CAND2: variants seen among roughly 807,000 people sequenced by gnomAD.
CAND2 encodes cullin associated and neddylation dissociated 2 (putative).
A neutral mutation model predicts 98.9 loss-of-function variants in CAND2; 62 were observed. That is an observed-to-expected ratio of 0.63 (90% CI 0.51 to 0.77). CAND2 has a LOEUF of 0.77. Among genes scored for constraint, CAND2 ranks in the 30% least tolerant of loss-of-function variants. CAND2 has a pLI of 0.00. For missense variants in CAND2, 1,501 were observed against 1,655.2 expected (o/e 0.91, Z 1.62); for synonymous variants, 770 against 731.9 (o/e 1.05, Z -0.84).
intron 13 of CAND2, 86 bp downstream of exon 13, chr3:12,827,690 C>T (rs2062015714): frequency 1.6e-6 from 2 of 1,285,108 alleles, no homozygotes; most frequent in Non-Finnish European, 2.1e-6. Flanking sequence ...TTTGTCCTTG[C>T]TCCCTACTCC....
At position 12,813,360 on chromosome 3, in the gene CAND2, G is replaced by A. The variant is rs762477317; in HGVS notation, c.978G>A (p.Glu326=). 16 of 1,614,090 alleles carry A rather than the reference G, an allele frequency of 9.9e-6. No individual in the cohort carries two copies. The South Asian group carries it at 1.8e-4, about 18-fold the overall frequency. Residue 326 remains glutamate, a synonymous_variant, in exon 7 of 15, where the codon GAG becomes GAA. Transcript: ENST00000456430. ...GTGATGAGGATGAGGAGCAGATGGAGACAGAGGATAGTGAATTCAGTGAGC... is the reference window on the plus strand; with the variant it reads ...GTGATGAGGATGAGGAGCAGATGGAAACAGAGGATAGTGAATTCAGTGAGC... The part of the protein sequence containing the change: ...YDSDEDEEQM[E]TEDSEFSEQE...
At chr3:12,816,260 A>G in intron 9 of CAND2, 114 bp from the exon 10 acceptor site, 3 of 1,079,000 alleles carry the variant, frequency 2.8e-6, no homozygotes, top group Non-Finnish European at 4.0e-6. Context: ...TCTGCAGAAG[A>G]GTTTAGGTGC....
chr3:12,831,014 TA>T (rs66870467), intron 13 of CAND2, among the ~76,000 whole-genome samples: 27,513 of 152,140 alleles, frequency 0.18, 3,298 homozygotes, highest in African/African-American at 0.35. Flanking sequence ...TAGTTGTTGT[TA>T]AAAGTTTTTG....
chr3:12,802,282 G>A (rs1440046464), intron 1 of CAND2, among the ~76,000 whole-genome samples: 1 of 152,178 alleles, frequency 6.6e-6, no homozygotes, highest in African/African-American at 2.4e-5. Context: ...AGCTGAGATC[G>A]TGCCACTGCA....
At chr3:12,805,442 C>G (rs1241570697) in intron 2 of CAND2, among the ~76,000 whole-genome samples, 1 of 152,084 alleles carries the variant, frequency 6.6e-6, no homozygotes, top group South Asian at 2.1e-4. Flanking sequence ...CATGCACCAC[C>G]ACACCCGGCT....
chr3:12,801,210 G>A (rs978413855), intron 1 of CAND2, among the ~76,000 whole-genome samples: 3 of 151,764 alleles, frequency 2.0e-5, no homozygotes, highest in Non-Finnish European at 4.4e-5. Context: ...GCTAATTTTT[G>A]TATTTTTAAT....
At chr3:12,829,316 TTA>T (rs1290130614) in intron 13 of CAND2, among the ~76,000 whole-genome samples, 3 of 152,164 alleles carry the variant, frequency 2.0e-5, no homozygotes, top group Non-Finnish European at 4.4e-5. Flanking sequence ...CGGCTAATTT[TTA>T]TATGTTTTAG....
In CAND2 at chr3:12,808,307, GGACATCCTCTCT is replaced by G; in HGVS notation, c.471_482del (p.Ile157_Asp160del). ...ATGTGGCTGTGCAGCTGGAAGCCCT[GGACATCCTCTCT>G]GACATGCTGAGCAGGTGTGGGAGGC... On this transcript the variant is annotated inframe_deletion, in exon 4 of 15. Transcript: ENST00000456430. 1 of 1,551,448 alleles carries G rather than the reference GGACATCCTCTCT, an allele frequency of 6.4e-7. No individual in the cohort carries two copies. Among genetic ancestry groups the G allele is most frequent in the Non-Finnish European group, 8.7e-7 (1 of 1,146,912 alleles).
At chr3:12,822,192 T>C (rs1289344977) in intron 11 of CAND2, among the ~76,000 whole-genome samples, 4 of 152,190 alleles carry the variant, frequency 2.6e-5, no homozygotes, top group Admixed American at 6.5e-5. Flanking sequence ...TAGAGACTCA[T>C]GGCTTCTTCC....
chr3:12,801,033 T>TG (rs2061762146), intron 1 of CAND2, among the ~76,000 whole-genome samples: 1 of 129,324 alleles, frequency 7.7e-6, no homozygotes, highest in Non-Finnish European at 1.6e-5. Flanking sequence ...TGGAAATCAG[T>TG]ATTTTTTTTT....
chr3:12,825,414 A>T (rs1358109512), intron 11 of CAND2, 56 bp from the exon 12 acceptor site: 2 of 1,496,270 alleles, frequency 1.3e-6, no homozygotes, highest in African/African-American at 2.8e-5. Flanking sequence ...GTGGTGAGGG[A>T]GGTGACTTTG....
At chr3:12,818,514 T>C (rs1029372020) in intron 10 of CAND2, among the ~76,000 whole-genome samples, 2 of 152,204 alleles carry the variant, frequency 1.3e-5, no homozygotes, top group African/African-American at 2.4e-5. Context: ...GCGTTTTGGC[T>C]TGTCGTGTTT....
At chr3:12,830,315 G>GGC (rs1282977350) in intron 13 of CAND2, among the ~76,000 whole-genome samples, 1 of 152,204 alleles carries the variant, frequency 6.6e-6, no homozygotes, top group African/African-American at 2.4e-5. Context: ...AAAATGATGG[G>GGC]GCGCACAAAG....
chr3:12,810,298 T>A lies in CAND2; in HGVS notation c.731T>A (p.Val244Asp). ...ACCCTGATCCAATGTTTGGGCAGCGTCGGCCGCCAGGCCGGCCACCGCCTC... is the reference window on the plus strand; with the variant it reads ...ACCCTGATCCAATGTTTGGGCAGCGACGGCCGCCAGGCCGGCCACCGCCTC... ...IRTLIQCLGS[V>D]GRQAGHRLGA... The change falls in exon 5 of 15, where the codon GTC (valine) becomes GAC (aspartate). Residue 244 changes from valine to aspartate, a missense_variant. Transcript: ENST00000456430. 2 of 1,465,312 alleles carry A rather than the reference T, an allele frequency of 1.4e-6. No individual in the cohort carries two copies. Among genetic ancestry groups the A allele is most frequent in the East Asian group, 2.8e-5 (1 of 36,258 alleles). 90.8% of individuals were successfully genotyped at this position (1,465,312 alleles called of 1,614,324 possible).
rs1405239779 is a variant in CAND2, at chr3:12,817,518, G to A, written c.2586G>A (p.Leu862=). The A allele has an allele frequency of 4.3e-6, 7 of 1,613,722 alleles. No individual in the cohort carries two copies. The highest frequency in any genetic ancestry group is 1.3e-5 in the African/African-American group (1 of 75,080). The change falls in exon 10 of 15, where the codon CTG becomes CTA. Residue 862 remains leucine (L), a synonymous_variant. Coordinates refer to ENST00000456430, the MANE Select transcript of CAND2 (RefSeq NM_001162499.2). ...QVAGPGHQRE[L]KAVLLEALGS... ...CTGGGCCAGGCCACCAGCGGGAGCT[G>A]AAGGCGGTGCTCCTGGAAGCTTTGG... is the stretch of plus-strand genomic sequence containing the variant.
At chr3:12,810,468 CGGGGCCTGGGCTGATGTGGTGGGT>C (rs1475884256) in intron 5 of CAND2, 144 bp downstream of exon 5, 70 of 131,620 alleles carry the variant, frequency 5.3e-4, no homozygotes, top group African/African-American at 2.4e-3. Context: ...GAGGATGGGG[CGGGGCCTGGGCTGATGTGGTGGGT>C]GGGGCCTGGG....
At chr3:12,801,325 G>A (rs1278363232) in intron 1 of CAND2, among the ~76,000 whole-genome samples, 1 of 152,174 alleles carries the variant, frequency 6.6e-6, no homozygotes, top group African/African-American at 2.4e-5. Context: ...GGCGTGAGCC[G>A]CCATGCCAGG....
Position 12,813,015 on chromosome 3 carries a change from C to T in CAND2, c.783C>T (p.Pro261=). ...RLGAHLDRLV[P]LVEDFCNLDD... ...GGGCTCACCTGGACCGCCTGGTGCC[C>T]CTGGTGGAGGATTTCTGCAACCTGG... The change falls in exon 6 of 15, where the codon CCC becomes CCT. Residue 261 remains proline (P), a synonymous_variant. Transcript: ENST00000456430. The T allele has an allele frequency of 1.3e-6, 2 of 1,579,532 alleles. No individual in the cohort carries two copies. Among genetic ancestry groups the T allele is most frequent in the Non-Finnish European group, 1.7e-6 (2 of 1,163,778 alleles).
chr3:12,807,564 A>G, intron 3 of CAND2, 104 bp downstream of exon 3: 1 of 1,227,736 alleles, frequency 8.1e-7, no homozygotes, highest in Non-Finnish European at 1.1e-6. Flanking sequence ...AGAGAGTTGA[A>G]GAGACATACC....
Sources: allele counts gnomAD v4.1 joint callset (sites outside exome capture counted in the v4.1 genomes callset), GRCh38; gene constraint gnomAD v4.1.1; transcripts MANE v1.5; gene names NCBI Gene and HGNC (gene_info 2026-07-23, HGNC 2026-07-21).